Variants in TMEM144 observed in about 807,000 individuals in gnomAD.
TMEM144 encodes the protein transmembrane protein 144.
A neutral mutation model predicts 43.6 loss-of-function variants in TMEM144; 39 were observed. The observed-to-expected ratio is 0.90, with a 90% CI of 0.69 to 1.17. The LOEUF is 1.17. TMEM144 is among the 50% of genes most tolerant of loss of function. TMEM144 has a pLI of 0.00. For synonymous variants in TMEM144, 154 were observed against 133.6 expected, an observed-to-expected ratio of 1.15 and a Z score of -1.06; for missense variants, 417 against 411.9, an observed-to-expected ratio of 1.01 and a Z score of -0.11.
rs1735773028 is a variant in TMEM144, at chr4:158,244,322, G to A, written c.927G>A (p.Trp309Ter). 6.2e-7 allele frequency: 1 copy of A among 1,607,774 alleles called. No homozygotes were observed. The highest frequency in any genetic ancestry group is 1.3e-5 in the African/African-American group (1 of 74,638). The change falls in exon 12 of 13, where the codon TGG becomes TGA. Residue 309 changes from tryptophan (W) to a stop codon, truncating the protein, a stop_gained. Transcript: ENST00000296529. LOFTEE classifies it high-confidence loss of function. The stretch of plus-strand genomic sequence containing the variant: ...GTCCAGGATTTATAGCTGCAATGTG[G>A]GGTATCTTCATGTTTAAGGAAATAA... ...TAGPGFIAAM[W>*]GIFMFKEIKG...
At position 158,253,870 on chromosome 4, in the gene TMEM144, A is replaced by G. The variant is rs561986646; in HGVS notation, c.*343A>G. 5.7e-6 allele frequency: 1 copy of G among 176,958 alleles called. No individual in the cohort carries two copies. The highest frequency in any genetic ancestry group is 1.4e-4 in the South Asian group (1 of 6,976). The allele number at this position is 176,958 out of a possible 1,614,324, so 11.0% of individuals were successfully genotyped here. On this transcript the variant is annotated 3_prime_UTR_variant, in exon 13 of 13. Transcript: ENST00000296529. ...ATCTAGAACACAGTATAGAGTCCATATACAAAGAAGTTACAGTCCATATTT... is the reference window on the plus strand; with the variant it reads ...ATCTAGAACACAGTATAGAGTCCATGTACAAAGAAGTTACAGTCCATATTT...
At chr4:158,244,504 T>C (rs1304911205) in intron 12 of TMEM144, among the ~76,000 whole-genome samples, 155 bp downstream of exon 12, 2 of 152,044 alleles carry the variant, frequency 1.3e-5, no homozygotes, top group African/African-American at 4.8e-5. Context: ...ACCCCGTCTC[T>C]ACTAAAAATA....
At chr4:158,226,882 C>G (rs1734797790) in intron 6 of TMEM144, among the ~76,000 whole-genome samples, 1 of 152,070 alleles carries the variant, frequency 6.6e-6, no homozygotes, top group African/African-American at 2.4e-5. Flanking sequence ...TCCCGCCCCC[C>G]CTTTTTTTCT....
chr4:158,210,952 T>G (rs1733929866), intron 1 of TMEM144: 1 of 152,216 alleles, frequency 6.6e-6, no homozygotes, highest in Admixed American at 6.5e-5. Context: ...TGACAAAATA[T>G]CAGCGAACGC....
At chr4:158,240,474 T>C (rs187884716) in intron 10 of TMEM144, 56 bp downstream of exon 10, 385 of 1,532,704 alleles carry the variant, frequency 2.5e-4, no homozygotes, top group Middle Eastern at 1.9e-3. Context: ...CTACAACTCA[T>C]TTAACTTGAA....
intron 12 of TMEM144, among the ~76,000 whole-genome samples, chr4:158,246,984 AG>A (rs1735920442): frequency 6.6e-6 from 1 of 151,956 alleles, no homozygotes; most frequent in Non-Finnish European, 1.5e-5. Context: ...AAAAACAGTG[AG>A]GAATGTTTTG....
Position 158,253,750 on chromosome 4 carries a change from G to A in TMEM144, c.*223G>A, listed in dbSNP as rs944792238. The A allele has an allele frequency of 9.7e-6, 5 of 514,926 alleles. No individual in the cohort carries two copies. The highest frequency in any genetic ancestry group is 7.7e-5 in the African/African-American group (4 of 51,838). The allele number at this position is 514,926 out of a possible 1,614,324, so 31.9% of individuals were successfully genotyped here. A position where few individuals can be genotyped will look rare whatever the true frequency, so the allele number is the denominator to read the frequency against. ...TTTCTTCTGATGAACTGTTTATGAA[G>A]GTAGTACTTTACTGGGTGACTAAAA... On this transcript the variant is annotated 3_prime_UTR_variant, in exon 13 of 13. Transcript: ENST00000296529.
At chr4:158,215,709 G>A (rs926803327) in intron 4 of TMEM144, among the ~76,000 whole-genome samples, 2 of 152,072 alleles carry the variant, frequency 1.3e-5, no homozygotes, top group South Asian at 4.2e-4. Flanking sequence ...ACCTAATTAG[G>A]CCAATGTGAA....
chr4:158,222,152 A>C (rs140674286), intron 6 of TMEM144, among the ~76,000 whole-genome samples: 1 of 152,262 alleles, frequency 6.6e-6, no homozygotes, highest in African/African-American at 2.4e-5. Context: ...ACTTGTATAC[A>C]TGTGATTGTA....
chr4:158,236,442 A>G (rs529521088), intron 8 of TMEM144, among the ~76,000 whole-genome samples: 84 of 152,242 alleles, frequency 5.5e-4, no homozygotes, highest in Non-Finnish European at 9.9e-4. Flanking sequence ...TTGTCTTGTA[A>G]TTAGCTAGGC....
At chr4:158,217,605 T>G (rs1734291238) in intron 5 of TMEM144, among the ~76,000 whole-genome samples, 185 bp downstream of exon 5, 1 of 152,218 alleles carries the variant, frequency 6.6e-6, no homozygotes, top group Non-Finnish European at 1.5e-5. Flanking sequence ...GTGATCTAGA[T>G]ATTTGATCAA....
chr4:158,224,532 T>C (rs1023339605), intron 6 of TMEM144, among the ~76,000 whole-genome samples: 2 of 152,200 alleles, frequency 1.3e-5, no homozygotes, highest in African/African-American at 2.4e-5. Context: ...TTGTATAGAA[T>C]AACATTATAC....
chr4:158,253,579 G>C lies in TMEM144; in HGVS notation c.*52G>C, dbSNP rs539506909. 1.4e-6 allele frequency: 2 copies of C among 1,430,170 alleles called. No individual in the cohort carries two copies. Among genetic ancestry groups the C allele is most frequent in the East Asian group, 4.6e-5 (2 of 43,864 alleles). 88.6% of individuals were successfully genotyped at this position (1,430,170 alleles called of 1,614,324 possible). A position where few individuals can be genotyped will look rare whatever the true frequency, so the allele number is the denominator to read the frequency against. ...AGTAGTTAAGAGAACGCGTCTATCG[G>C]ACAGCGGAGAGATCATGCTGAGAAA... is the stretch of plus-strand genomic sequence containing the variant. On this transcript the variant is annotated 3_prime_UTR_variant, in exon 13 of 13. Transcript: ENST00000296529.
rs112965718 is a variant in TMEM144 at position 158,252,740 on chromosome 4, G to A, written c.955-704G>A. On this transcript the variant is annotated intron_variant, in intron 12 of 12. Coordinates refer to ENST00000296529, the MANE Select transcript of TMEM144 (RefSeq NM_018342.5). ...GGAGAATCACCTGAACCCAGGAGGC[G>A]GAGGTTGCAGTGAGCCAAGATCACG... 5.6e-3 allele frequency among the ~76,000 whole-genome samples: 841 copies of A among 150,772 alleles called. 11 individuals are homozygous for A. Among genetic ancestry groups the A allele is most frequent in the African/African-American group, 0.02 (802 of 41,048 alleles).
intron 9 of TMEM144, among the ~76,000 whole-genome samples, chr4:158,239,584 G>C (rs1407708164): frequency 2.0e-5 from 3 of 152,192 alleles, no homozygotes; most frequent in Non-Finnish European, 4.4e-5. Flanking sequence ...ATCCTGTAAA[G>C]TTAGCACCCC....
In TMEM144 at chr4:158,224,165, A is replaced by G. The variant is rs554290477; in HGVS notation, c.413+4775A>G. On this transcript the variant is annotated intron_variant, in intron 6 of 12. Transcript: ENST00000296529. Reference sequence around the variant, plus strand: ...ATTTGCATTTCTCTAATGATCAGTGATGTTGAGCTTTTTTCATGTTTGTTG... The same window carrying G: ...ATTTGCATTTCTCTAATGATCAGTGGTGTTGAGCTTTTTTCATGTTTGTTG... Among the ~76,000 whole-genome samples, 14 of 152,182 alleles carry G rather than the reference A, an allele frequency of 9.2e-5. No individual in the cohort carries two copies. The South Asian group carries it at 2.9e-3, about 32-fold the overall frequency.
intron 7 of TMEM144, 81 bp downstream of exon 7, chr4:158,233,063 G>A (rs1179351010): frequency 6.4e-6 from 7 of 1,100,844 alleles, no homozygotes; most frequent in Middle Eastern, 2.1e-4. Context: ...AAACACAGAT[G>A]AAAAAGTGGT....
At chr4:158,224,833 C>G (rs1048370706) in intron 6 of TMEM144, among the ~76,000 whole-genome samples, 1 of 152,146 alleles carries the variant, frequency 6.6e-6, no homozygotes, top group Non-Finnish European at 1.5e-5. Flanking sequence ...CGAAGCTGCT[C>G]TCATCCACGT....
At chr4:158,252,541 G>A (rs905445039) in intron 12 of TMEM144, among the ~76,000 whole-genome samples, 11 of 152,004 alleles carry the variant, frequency 7.2e-5, no homozygotes, top group African/African-American at 2.4e-4. Flanking sequence ...CTTCCTCTTT[G>A]CTTGGAAAAA....
Sources: gnomAD v4.1 joint callset for allele counts (sites outside exome capture counted in the v4.1 genomes callset) on GRCh38, gnomAD v4.1.1 for gene constraint, MANE v1.5 for transcripts, NCBI Gene and HGNC (gene_info 2026-07-23, HGNC 2026-07-21) for gene names.